ZMYM4: variants seen among roughly 807,000 people sequenced by gnomAD.
ZMYM4 encodes the protein zinc finger MYM-type containing 4.
In ZMYM4, 31 loss-of-function variants were observed where a neutral mutation model predicts 183.2. The ratio of observed to expected loss-of-function variants is 0.17; its 90% CI spans 0.13 to 0.23. The LOEUF (loss-of-function observed/expected upper bound fraction) is 0.23, where lower values mean the gene tolerates loss of function less well. ZMYM4 is among the 10% of genes least tolerant of loss of function. The pLI is 1.00. For missense variants in ZMYM4, 1,273 were observed against 1,840.3 expected (o/e 0.69, Z 5.64); for synonymous variants, 592 against 631.2 (o/e 0.94, Z 0.93).
intron 2 of ZMYM4, among the ~76,000 whole-genome samples, chr1:35,328,454 A>ATTTTTT (rs754078160): frequency 1.5e-4 from 17 of 117,084 alleles, no homozygotes; most frequent in African/African-American, 3.9e-4. Context: ...TAATTTTTTA[A>ATTTTTT]TTTTTTTTTT....
At chr1:35,299,778 TTC>T in intron 1 of ZMYM4, among the ~76,000 whole-genome samples, 1 of 151,722 alleles carries the variant, frequency 6.6e-6, no homozygotes, top group Middle Eastern at 3.4e-3. Context: ...CCAACAGAGA[TTC>T]TTTCTTTCTT....
chr1:35,335,047 T>C (rs1642914518), intron 2 of ZMYM4, among the ~76,000 whole-genome samples: 1 of 152,200 alleles, frequency 6.6e-6, no homozygotes, highest in Non-Finnish European at 1.5e-5. Context: ...TTTCATGCTC[T>C]TGATGCCAAT....
At chr1:35,346,089 C>T (rs1643381577) in intron 2 of ZMYM4, among the ~76,000 whole-genome samples, 1 of 152,174 alleles carries the variant, frequency 6.6e-6, no homozygotes, top group Non-Finnish European at 1.5e-5. Flanking sequence ...CAAAGTTCAT[C>T]CATTTTGTAG....
intron 1 of ZMYM4, among the ~76,000 whole-genome samples, chr1:35,280,072 C>T (rs1305630677): frequency 6.7e-6 from 1 of 148,764 alleles, no homozygotes; most frequent in Non-Finnish European, 1.5e-5. Context: ...TTCAAAGCCA[C>T]CTTTACATTT....
Position 35,415,451 on chromosome 1 carries a change from CCTT to C in ZMYM4, c.4061-9_4061-7del, listed in dbSNP as rs1413787972. The C allele has an allele frequency of 1.9e-6, 3 of 1,613,904 alleles. No individual in the cohort carries two copies. The highest frequency in any genetic ancestry group is 1.3e-5 in the African/African-American group (1 of 74,878). ...GGAGCTCAGTACTGTTTCTTGTACC[CCTT>C]CTTCTGTCTAGGTTACATGTTCTCT... On this transcript the variant is annotated splice_polypyrimidine_tract_variant and intron_variant, in intron 27 of 29. Coordinates refer to ENST00000314607, the MANE Select transcript of ZMYM4 (RefSeq NM_005095.3).
intron 21 of ZMYM4, 133 bp downstream of exon 21, chr1:35,398,599 G>A (rs1171428500): frequency 3.6e-6 from 3 of 837,518 alleles, no homozygotes; most frequent in Non-Finnish European, 5.5e-6. Flanking sequence ...TATATGAAGT[G>A]TACTAATTTG....
At chr1:35,394,032 A>G (rs1225874179) in intron 18 of ZMYM4, among the ~76,000 whole-genome samples, 2 of 152,098 alleles carry the variant, frequency 1.3e-5, no homozygotes, top group African/African-American at 2.4e-5. Flanking sequence ...TTGGAATTAC[A>G]TGGACAGGCT....
chr1:35,296,456 A>C (rs1641014254), intron 1 of ZMYM4, among the ~76,000 whole-genome samples: 1 of 152,036 alleles, frequency 6.6e-6, no homozygotes, highest in Non-Finnish European at 1.5e-5. Context: ...ATATCCTGAG[A>C]CTCTGTTTTC....
chr1:35,364,857 A>G (rs1465303512), intron 5 of ZMYM4, among the ~76,000 whole-genome samples: 1 of 152,124 alleles, frequency 6.6e-6, no homozygotes, highest in Non-Finnish European at 1.5e-5. Flanking sequence ...TTACTATATA[A>G]ACAAGGTGCT....
At chr1:35,304,528 G>A (rs10908392) in intron 1 of ZMYM4, among the ~76,000 whole-genome samples, 4,833 of 150,326 alleles carry the variant, frequency 0.032, 241 homozygotes, top group East Asian at 0.24. Context: ...CTCGATCTTA[G>A]CTTACTGCAA....
chr1:35,403,172 A>AT (rs900431092), intron 23 of ZMYM4, among the ~76,000 whole-genome samples: 1 of 152,218 alleles, frequency 6.6e-6, no homozygotes, highest in African/African-American at 2.4e-5. Flanking sequence ...GGTGAAATAC[A>AT]TTAATTTTTT....
intron 9 of ZMYM4, among the ~76,000 whole-genome samples, chr1:35,382,214 G>A (rs1175801164): frequency 3.1e-5 from 4 of 127,736 alleles, no homozygotes; most frequent in South Asian, 2.5e-4. Flanking sequence ...ACACACACAC[G>A]TATATATACG....
At chr1:35,338,239 T>G (rs181447211) in intron 2 of ZMYM4, among the ~76,000 whole-genome samples, 40 of 152,336 alleles carry the variant, frequency 2.6e-4, no homozygotes, top group Non-Finnish European at 1.5e-5. Flanking sequence ...TTCTCAACTT[T>G]GCTAGAAACG....
At chr1:35,382,158 A>C (rs973338380) in intron 9 of ZMYM4, among the ~76,000 whole-genome samples, 2 of 147,544 alleles carry the variant, frequency 1.4e-5, no homozygotes, top group Non-Finnish European at 3.0e-5. Flanking sequence ...AAAAAAAAAA[A>C]CAAAAATGTA....
At chr1:35,359,591 T>C (rs930020931) in intron 3 of ZMYM4, 145 bp downstream of exon 3, 14 of 875,576 alleles carry the variant, frequency 1.6e-5, no homozygotes, top group Non-Finnish European at 2.1e-5. Context: ...CCTTGTTCTT[T>C]GCAGAGTGAC....
chr1:35,393,662 C>G lies in ZMYM4; in HGVS notation c.2834C>G (p.Ala945Gly). The G allele has an allele frequency of 6.2e-7, 1 of 1,612,796 alleles. No individual in the cohort carries two copies. The highest frequency in any genetic ancestry group is 2.2e-5 in the East Asian group (1 of 44,776). Reference sequence around the variant, plus strand: ...CCTCCAAGGCTTTTGAAGAACAAAGCTTTATTATGCAAACCCATCACACAG... The same window carrying G: ...CCTCCAAGGCTTTTGAAGAACAAAGGTTTATTATGCAAACCCATCACACAG... ...SQPPRLLKNKALLCKPITQTK... is the reference protein window; with the variant it reads ...SQPPRLLKNKGLLCKPITQTK... The change falls in exon 18 of 30, where the codon GCT becomes GGT. Residue 945 changes from alanine (A) to glycine (G), a missense_variant. By Grantham distance (60) the Ala-to-Gly change is moderately conservative. Transcript: ENST00000314607.
chr1:35,382,173 T>TAC (rs1644473678), intron 9 of ZMYM4, among the ~76,000 whole-genome samples: 1 of 121,148 alleles, frequency 8.3e-6, no homozygotes, highest in Non-Finnish European at 1.6e-5. Flanking sequence ...AATGTATATA[T>TAC]ACACACATAC....
At chr1:35,307,396 A>G (rs1641580268) in intron 1 of ZMYM4, among the ~76,000 whole-genome samples, 3 of 152,212 alleles carry the variant, frequency 2.0e-5, no homozygotes, top group Middle Eastern at 3.4e-3. Flanking sequence ...GTGACATCAC[A>G]TGGGTACCCT....
rs969190429 is a variant in ZMYM4, at chr1:35,371,242, A to G, written c.1181+615A>G. 1.4e-3 allele frequency among the ~76,000 whole-genome samples: 210 copies of G among 151,830 alleles called. 2 individuals are homozygous for G. Among genetic ancestry groups the G allele is most frequent in the African/African-American group, 4.9e-3 (201 of 41,298 alleles). On this transcript the variant is annotated intron_variant, in intron 7 of 29. Coordinates refer to ENST00000314607, the MANE Select transcript of ZMYM4 (RefSeq NM_005095.3). ...GCCATTCTCCTGCCTCGGCCTCCTG[A>G]GTAGCTGGGACTACAGGTGCCCGCC...
Sources: gnomAD v4.1 joint callset for allele counts (sites outside exome capture counted in the v4.1 genomes callset) on GRCh38, gnomAD v4.1.1 for gene constraint, MANE v1.5 for transcripts, NCBI Gene and HGNC (gene_info 2026-07-23, HGNC 2026-07-21) for gene names.